The following TTLL11 variants were observed in gnomAD, a reference collection of about 807,000 sequenced individuals.
The protein encoded by TTLL11 is tubulin tyrosine ligase like 11.
TTLL11 carries 42 observed loss-of-function variants against 51.7 expected under a neutral mutation model. That is an observed-to-expected ratio of 0.81 (90% CI 0.64 to 1.05). TTLL11 has a LOEUF of 1.05. TTLL11 is among the 50% of genes least tolerant of loss of function. The probability of loss-of-function intolerance (pLI) is 0.00; values close to 1 mark genes in which losing one functional copy is unlikely to be tolerated. For synonymous variants in TTLL11, 381 were observed against 383.5 expected (o/e 0.99, Z 0.08); for missense variants, 799 against 940.4 (o/e 0.85, Z 1.97).
chr9:121,972,614 C>T (rs184174629), intron 6 of TTLL11, among the ~76,000 whole-genome samples: 1 of 152,392 alleles, frequency 6.6e-6, no homozygotes, highest in Admixed American at 6.5e-5. Context: ...GCCATCCAGC[C>T]TGACTCAGAC....
chr9:121,892,048 A>C (rs192090763), intron 6 of TTLL11, among the ~76,000 whole-genome samples: 1 of 37,774 alleles, frequency 2.6e-5, no homozygotes, highest in African/African-American at 8.6e-5. Flanking sequence ...AATATATATT[A>C]AAAAATATAA....
rs1382598958 is a variant in TTLL11 at position 121,971,457 on chromosome 9, C to T, written c.1481+2552G>A. The stretch of plus-strand genomic sequence containing the variant: ...CGGGAGGGAGGTGGGGGGGGTCAGC[C>T]CCCCCGCCCGGCCAGCCGCCCCGTC... On this transcript the variant is annotated intron_variant, in intron 6 of 8. Transcript: ENST00000321582. Among the ~76,000 whole-genome samples, 5 of 119,806 alleles carry T rather than the reference C, an allele frequency of 4.2e-5. No homozygotes were observed. In the East Asian group the frequency reaches 7.0e-4, roughly 17 times the overall value. 78.6% of individuals were successfully genotyped at this position (119,806 alleles called of 152,430 possible). A position where few individuals can be genotyped will look rare whatever the true frequency, so the allele number is the denominator to read the frequency against.
At chr9:122,011,463 AGT>A (rs1483625666) in intron 3 of TTLL11, among the ~76,000 whole-genome samples, 3 of 152,206 alleles carry the variant, frequency 2.0e-5, no homozygotes, top group Non-Finnish European at 1.5e-5. Context: ...CCCCATAACT[AGT>A]GTGTGTTTTT....
chr9:121,880,701 C>A (rs190202660), intron 6 of TTLL11, among the ~76,000 whole-genome samples: 2 of 152,332 alleles, frequency 1.3e-5, no homozygotes, highest in East Asian at 1.9e-4. Context: ...ACTATACCTA[C>A]AGCCCCAGCA....
intron 8 of TTLL11, among the ~76,000 whole-genome samples, chr9:121,841,435 T>C (rs940418499): frequency 1.3e-5 from 2 of 152,320 alleles, no homozygotes; most frequent in African/African-American, 4.8e-5. Context: ...CAGAAGGTTC[T>C]CTGAGGCTGC....
chr9:121,959,924 T>C (rs1281880212), intron 6 of TTLL11, among the ~76,000 whole-genome samples: 1 of 151,966 alleles, frequency 6.6e-6, no homozygotes, highest in Non-Finnish European at 1.5e-5. Flanking sequence ...AATTTTCAAA[T>C]ATCACACATA....
intron 1 of TTLL11, among the ~76,000 whole-genome samples, chr9:122,076,890 A>T (rs1845875921): frequency 2.0e-5 from 3 of 152,194 alleles, no homozygotes; most frequent in Admixed American, 2.0e-4. Context: ...TGTCTTACTG[A>T]CAGCGAAGAC....
rs12336530 is a variant in TTLL11, at chr9:121,999,324, G to A, written c.694-9554C>T. Among the ~76,000 whole-genome samples, 405 of 152,250 alleles carry A rather than the reference G, an allele frequency of 2.7e-3. 2 individuals are homozygous for A. Among genetic ancestry groups the A allele is most frequent in the African/African-American group, 9.3e-3 (385 of 41,544 alleles). ...TGGAGCGTACCTCTCTTGGGCTCCA[G>A]ACTCATACAATGAGATATGTCAAAT... On this transcript the variant is annotated intron_variant, in intron 3 of 8. Coordinates refer to ENST00000321582, the MANE Select transcript of TTLL11 (RefSeq NM_001139442.2).
At chr9:121,870,859 G>A in intron 6 of TTLL11, 111 bp from the exon 7 acceptor site, 1 of 1,224,652 alleles carries the variant, frequency 8.2e-7, no homozygotes, top group Non-Finnish European at 1.1e-6. Flanking sequence ...TTATTTTACA[G>A]ACAGCAAGAC....
intron 1 of TTLL11, among the ~76,000 whole-genome samples, chr9:122,068,767 G>A (rs1388789583): frequency 1.3e-5 from 2 of 152,180 alleles, no homozygotes; most frequent in Admixed American, 1.3e-4. Flanking sequence ...ACAAAACACT[G>A]GGCTACATTC....
chr9:121,978,854 A>G (rs1239763151), intron 4 of TTLL11, among the ~76,000 whole-genome samples: 1 of 152,090 alleles, frequency 6.6e-6, no homozygotes, highest in Non-Finnish European at 1.5e-5. Context: ...AGTATCCCCA[A>G]CTGGGAGGTC....
chr9:122,032,413 A>G (rs1013582388), intron 2 of TTLL11, among the ~76,000 whole-genome samples: 2 of 152,228 alleles, frequency 1.3e-5, no homozygotes, highest in Non-Finnish European at 2.9e-5. Flanking sequence ...AAATAAAAAG[A>G]ATACCAAAAT....
chr9:121,834,447 T>G (rs1837121361), intron 8 of TTLL11, among the ~76,000 whole-genome samples: 1 of 150,886 alleles, frequency 6.6e-6, no homozygotes, highest in South Asian at 2.1e-4. Context: ...TATCTGCATC[T>G]GTAAAGTGGG....
At chr9:122,086,542 G>A (rs1447856595) in intron 1 of TTLL11, among the ~76,000 whole-genome samples, 1 of 152,088 alleles carries the variant, frequency 6.6e-6, no homozygotes, top group Non-Finnish European at 1.5e-5. Flanking sequence ...CCTTCTTCCA[G>A]AAGGAATCTG....
intron 8 of TTLL11, among the ~76,000 whole-genome samples, chr9:121,854,980 T>G (rs7864184): frequency 0.52 from 79,024 of 152,032 alleles, 21,233 homozygotes; most frequent in East Asian, 0.72. Flanking sequence ...AAGCTACATG[T>G]TACTAAATTC....
chr9:122,072,640 T>A (rs1845758266), intron 1 of TTLL11, among the ~76,000 whole-genome samples: 1 of 152,002 alleles, frequency 6.6e-6, no homozygotes, highest in African/African-American at 2.4e-5. Context: ...CAAGACTCTG[T>A]CTCAAAAAAA....
chr9:121,932,935 C>A (rs1207787154), intron 6 of TTLL11, among the ~76,000 whole-genome samples: 1 of 152,126 alleles, frequency 6.6e-6, no homozygotes, highest in Admixed American at 6.5e-5. Context: ...CAGGAAAAAA[C>A]CACAGACTAA....
At chr9:121,838,248 T>G (rs960293206) in intron 8 of TTLL11, among the ~76,000 whole-genome samples, 5 of 152,182 alleles carry the variant, frequency 3.3e-5, no homozygotes, top group African/African-American at 1.2e-4. Flanking sequence ...AGGTCATTTT[T>G]GAGACTTCTC....
intron 1 of TTLL11, among the ~76,000 whole-genome samples, chr9:122,061,238 A>T (rs939530258): frequency 6.6e-6 from 1 of 152,212 alleles, no homozygotes; most frequent in Non-Finnish European, 1.5e-5. Flanking sequence ...GGATCGTCTC[A>T]TCCCAAGATC....
Sources: gnomAD v4.1 joint callset for allele counts (sites outside exome capture counted in the v4.1 genomes callset) on GRCh38, gnomAD v4.1.1 for gene constraint, MANE v1.5 for transcripts, NCBI Gene and HGNC (gene_info 2026-07-23, HGNC 2026-07-21) for gene names.